Variants in TFAM observed in about 807,000 individuals in gnomAD.
The protein encoded by TFAM is mitochondrial transcription factor 1.
A neutral mutation model predicts 30.6 loss-of-function variants in TFAM; 13 were observed. The observed-to-expected ratio is 0.42, with a 90% confidence interval of 0.28 to 0.67. The LOEUF is 0.67. TFAM is among the 30% of genes least tolerant of loss of function. The pLI is 0.21. For synonymous variants in TFAM, 106 were observed against 94.8 expected, an observed-to-expected ratio of 1.12 and a Z score of -0.69; for missense variants, 231 against 293.7, an observed-to-expected ratio of 0.79 and a Z score of 1.56.
At chr10:58,385,727 T>C (rs906098473) in intron 1 of TFAM, 79 bp downstream of exon 1, 1 of 1,102,354 alleles carries the variant, frequency 9.1e-7, no homozygotes. Context: ...TATCCTTCAC[T>C]TTCTGCCCCT....
At position 58,394,418 on chromosome 10, in the gene TFAM, A is replaced by G. The variant is rs1336911074; in HGVS notation, c.594+4A>G. On this transcript the variant is annotated splice_donor_region_variant and intron_variant, in intron 6 of 6. Transcript: ENST00000487519. ...TCTGTCTGACTCTGAAAAGGAAGTG[A>G]GTATTACGGTTGTTAGTCTCAAGTG... The G allele has an allele frequency of 6.2e-7, 1 of 1,612,756 alleles. No individual in the cohort carries two copies.
rs1310347548 is a variant in TFAM, at chr10:58,398,657, CTT to C, written c.*3585_*3586del. ...AAGTAGATTTAAAGTAATTAGAACA[CTT>C]TATTGATTTTTCTGATGTTTTCTGT... is the stretch of plus-strand genomic sequence containing the variant. On this transcript the variant is annotated 3_prime_UTR_variant, in exon 7 of 7. Coordinates refer to ENST00000487519, the MANE Select transcript of TFAM (RefSeq NM_003201.3). 1.3e-5 allele frequency: 2 copies of C among 152,012 alleles called. No individual in the cohort carries two copies. Among genetic ancestry groups the C allele is most frequent in the Non-Finnish European group, 2.9e-5 (2 of 68,002 alleles). The allele number at this position is 152,012 out of a possible 1,614,324, so 9.4% of individuals were successfully genotyped here.
chr10:58,388,042 ACTT>A (rs1294594386), intron 2 of TFAM, 145 bp from the exon 3 acceptor site: 7 of 659,220 alleles, frequency 1.1e-5, no homozygotes, highest in Non-Finnish European at 1.9e-5. Flanking sequence ...TGGATAAATT[ACTT>A]ACGTTTAAAT....
intron 5 of TFAM, among the ~76,000 whole-genome samples, chr10:58,391,089 T>G (rs1840590194): frequency 6.6e-6 from 1 of 152,140 alleles, no homozygotes; most frequent in African/African-American, 2.4e-5. Context: ...TTTAAATACT[T>G]AACATTTTTT....
intron 1 of TFAM, 107 bp from the exon 2 acceptor site, chr10:58,386,113 A>G (rs146333776): frequency 4.8e-6 from 4 of 837,722 alleles, no homozygotes; most frequent in South Asian, 4.0e-5. Flanking sequence ...GGCGTTGGAT[A>G]CATAGTATCT....
In TFAM at chr10:58,395,254, A is replaced by G; in HGVS notation, c.*180A>G. 1.6e-6 allele frequency: 1 copy of G among 641,380 alleles called. No individual in the cohort carries two copies. Among genetic ancestry groups the G allele is most frequent in the Non-Finnish European group, 2.7e-6 (1 of 373,784 alleles). The allele number at this position is 641,380 out of a possible 1,614,324, so 39.7% of individuals were successfully genotyped here. A position where few individuals can be genotyped will look rare whatever the true frequency, so the allele number is the denominator to read the frequency against. On this transcript the variant is annotated 3_prime_UTR_variant, in exon 7 of 7. Transcript: ENST00000487519. ...ATACTTGCTTTGGAAAACCCAGATA[A>G]AGGTTCATGCAAACTTTATTTTGTG...
intron 2 of TFAM, among the ~76,000 whole-genome samples, chr10:58,387,514 G>A (rs970465027): frequency 6.6e-6 from 1 of 152,190 alleles, no homozygotes; most frequent in South Asian, 2.1e-4. Context: ...TATATGGATC[G>A]AGAATGTATT....
In TFAM at chr10:58,398,964, G is replaced by T. The variant is rs1269051352; in HGVS notation, c.*3890G>T. 6.6e-6 allele frequency: 1 copy of T among 152,080 alleles called. No individual in the cohort carries two copies. The highest frequency in any genetic ancestry group is 1.5e-5 in the Non-Finnish European group (1 of 68,004). The allele number at this position is 152,080 out of a possible 1,614,324, so 9.4% of individuals were successfully genotyped here. A position where few individuals can be genotyped will look rare whatever the true frequency, so the allele number is the denominator to read the frequency against. ...TTGAACTTCTGCAGAGTAAGAAAATGAATACATTTATTACTTTAAATTTGT... is the reference window on the plus strand; with the variant it reads ...TTGAACTTCTGCAGAGTAAGAAAATTAATACATTTATTACTTTAAATTTGT... On this transcript the variant is annotated 3_prime_UTR_variant, in exon 7 of 7. Transcript: ENST00000487519.
In TFAM at chr10:58,395,277, G is replaced by T; in HGVS notation, c.*203G>T. The T allele has an allele frequency of 1.7e-6, 1 of 572,890 alleles. No individual in the cohort carries two copies. The highest frequency in any genetic ancestry group is 2.0e-5 in the South Asian group (1 of 50,028). The allele number at this position is 572,890 out of a possible 1,614,324, so 35.5% of individuals were successfully genotyped here. On this transcript the variant is annotated 3_prime_UTR_variant, in exon 7 of 7. Coordinates refer to ENST00000487519, the MANE Select transcript of TFAM (RefSeq NM_003201.3). ...TAAAGGTTCATGCAAACTTTATTTT[G>T]TGTTTAGGAACTACTGAGGATCAGA...
rs550135245 is a variant in TFAM, at chr10:58,397,551, G to A, written c.*2477G>A. On this transcript the variant is annotated 3_prime_UTR_variant, in exon 7 of 7. Coordinates refer to ENST00000487519, the MANE Select transcript of TFAM (RefSeq NM_003201.3). ...GTAATTTTTAATATTTTAAATAATA[G>A]GATAACCTGGTTTCCAAGCCTTTTT... 6.4e-4 allele frequency: 98 copies of A among 152,094 alleles called. 1 individual carries two copies. Among genetic ancestry groups the A allele is most frequent in the African/African-American group, 2.2e-3 (93 of 41,492 alleles). The allele number at this position is 152,094 out of a possible 1,614,324, so 9.4% of individuals were successfully genotyped here. A position where few individuals can be genotyped will look rare whatever the true frequency, so the allele number is the denominator to read the frequency against.
At chr10:58,385,982 A>G (rs1840480649) in intron 1 of TFAM, among the ~76,000 whole-genome samples, 1 of 152,192 alleles carries the variant, frequency 6.6e-6, no homozygotes, top group African/African-American at 2.4e-5. Flanking sequence ...GAGCTGGAGT[A>G]TAGACGCTTT....
Position 58,386,246 on chromosome 10 carries a change from C to T in TFAM, c.128C>T (p.Ser43Leu). ...FSFVYLPRWF[S>L]SVLASCPKKP... ...TTTGTGTATTTACCGAGGTGGTTTT[C>T]ATCTGTCTTGGCAAGTTGTCCAAAG... The change falls in exon 2 of 7, where the codon TCA becomes TTA. Residue 43 changes from serine to leucine, a missense_variant. Transcript: ENST00000487519. 2 of 1,613,348 alleles carry T rather than the reference C, an allele frequency of 1.2e-6. No homozygotes were observed. Among genetic ancestry groups the T allele is most frequent in the East Asian group, 2.2e-5 (1 of 44,854 alleles).
intron 3 of TFAM, 134 bp downstream of exon 3, chr10:58,388,394 C>A (rs867263337): frequency 3.3e-5 from 27 of 823,250 alleles, no homozygotes; most frequent in South Asian, 1.1e-4. Flanking sequence ...TTTATGTCTT[C>A]TCATCTGCAT....
In TFAM at chr10:58,395,785, CT is replaced by C; in HGVS notation, c.*715del. 3.4e-6 allele frequency: 1 copy of C among 296,034 alleles called. No individual in the cohort carries two copies. The allele number at this position is 296,034 out of a possible 1,614,324, so 18.3% of individuals were successfully genotyped here. A position where few individuals can be genotyped will look rare whatever the true frequency, so the allele number is the denominator to read the frequency against. On this transcript the variant is annotated 3_prime_UTR_variant, in exon 7 of 7. Coordinates refer to ENST00000487519, the MANE Select transcript of TFAM (RefSeq NM_003201.3). Reference sequence around the variant, plus strand: ...TTAAGACGAAACATTTGTTCTATAGCTTTTCCCTTTTTTTAAGTAAGGAATT... The same window carrying C: ...TTAAGACGAAACATTTGTTCTATAGCTTTCCCTTTTTTTAAGTAAGGAATT...
At chr10:58,386,378 A>G (rs755585722) in intron 2 of TFAM, 40 bp downstream of exon 2, 2 of 1,394,622 alleles carry the variant, frequency 1.4e-6, no homozygotes, top group Non-Finnish European at 2.0e-6. Context: ...CTCATGTAAT[A>G]AAAATGCCAT....
chr10:58,394,523 C>T (rs747274250), intron 6 of TFAM, 109 bp downstream of exon 6: 9 of 954,276 alleles, frequency 9.4e-6, no homozygotes, highest in Non-Finnish European at 1.4e-5. Flanking sequence ...ACTAATAATA[C>T]AAGTATTCTA....
At position 58,385,510 on chromosome 10, in the gene TFAM, G is replaced by A. The variant is rs1284691343; in HGVS notation, c.-38G>A. ...GTTGTGTATTGCCAGGAGGCTCTCCGAGATTGGGGTCGGGTCACTGCCTCA... is the reference window on the plus strand; with the variant it reads ...GTTGTGTATTGCCAGGAGGCTCTCCAAGATTGGGGTCGGGTCACTGCCTCA... On this transcript the variant is annotated 5_prime_UTR_variant, in exon 1 of 7. Coordinates refer to ENST00000487519, the MANE Select transcript of TFAM (RefSeq NM_003201.3). 2.0e-6 allele frequency: 3 copies of A among 1,501,078 alleles called. No individual in the cohort carries two copies. Among genetic ancestry groups the A allele is most frequent in the Non-Finnish European group, 2.7e-6 (3 of 1,100,440 alleles). The allele number at this position is 1,501,078 out of a possible 1,614,324, so 93.0% of individuals were successfully genotyped here.
intron 5 of TFAM, among the ~76,000 whole-genome samples, chr10:58,393,644 T>C (rs565889225): frequency 2.6e-5 from 4 of 152,100 alleles, no homozygotes; most frequent in Non-Finnish European, 5.9e-5. Flanking sequence ...TCCTAACAAT[T>C]TGGGAAGCGG....
intron 4 of TFAM, 23 bp from the exon 5 acceptor site, chr10:58,390,742 A>G: frequency 6.3e-7 from 1 of 1,588,280 alleles, no homozygotes; most frequent in East Asian, 2.2e-5. Flanking sequence ...ACTATTTTTG[A>G]CCCTCCAATT....
Sources: gnomAD v4.1 joint callset for allele counts (sites outside exome capture counted in the v4.1 genomes callset) on GRCh38, gnomAD v4.1.1 for gene constraint, MANE v1.5 for transcripts, NCBI Gene and HGNC (gene_info 2026-07-23, HGNC 2026-07-21) for gene names.